The following VAMP7 variants were observed in gnomAD, a reference collection of about 807,000 sequenced individuals.
The protein encoded by VAMP7 is vesicle associated membrane protein 7.
In VAMP7, 14 loss-of-function variants were observed where a neutral mutation model predicts 29.6. That is an observed-to-expected ratio of 0.47 (90% CI 0.31 to 0.74). The LOEUF (loss-of-function observed/expected upper bound fraction) is 0.74. VAMP7 is among the 30% of genes least tolerant of loss of function. The pLI is 0.05. For missense variants in VAMP7, 223 were observed against 262.4 expected (o/e 0.85, Z 1.04); for synonymous variants, 95 against 88.1 (o/e 1.08, Z -0.44).
intron 6 of VAMP7, among the ~76,000 whole-genome samples, chrX:155,931,173 G>A (rs749133220): frequency 5.3e-5 from 8 of 152,252 alleles, no homozygotes; most frequent in African/African-American, 1.4e-4. Flanking sequence ...ATAAACATAC[G>A]TGTGCATGTG....
intron 6 of VAMP7, among the ~76,000 whole-genome samples, chrX:155,924,882 T>C (rs922005135): frequency 3.9e-5 from 6 of 152,234 alleles, no homozygotes; most frequent in African/African-American, 1.4e-4. Flanking sequence ...CAAACCCTGC[T>C]ACTGCTTTAT....
intron 3 of VAMP7, 89 bp from the exon 4 acceptor site, chrX:155,898,023 A>T: frequency 6.7e-7 from 1 of 1,491,464 alleles, no homozygotes; most frequent in South Asian, 1.3e-5. Flanking sequence ...TGCTCAGTAA[A>T]TGTTAGCTGT....
chrX:155,939,451 A>G (rs1200016525), intron 6 of VAMP7, among the ~76,000 whole-genome samples: 1 of 152,200 alleles, frequency 6.6e-6, no homozygotes, highest in Non-Finnish European at 1.5e-5. Context: ...CTGGTGCTCA[A>G]CATCATGTGC....
intron 3 of VAMP7, among the ~76,000 whole-genome samples, chrX:155,896,453 G>A (rs1190415215): frequency 6.6e-6 from 1 of 151,776 alleles, no homozygotes; most frequent in African/African-American, 2.4e-5. Context: ...TAAACCTGTA[G>A]TTTACATTGG....
At chrX:155,905,753 GTTTATCT>G (rs2066138143) in intron 5 of VAMP7, among the ~76,000 whole-genome samples, 1 of 152,104 alleles carries the variant, frequency 6.6e-6, no homozygotes, top group South Asian at 2.1e-4. Context: ...GTTCTGTTCA[GTTTATCT>G]TTATGCCAGT....
chrX:155,893,478 AC>A lies in VAMP7; in HGVS notation c.147-2143del, dbSNP rs934744707. Among the ~76,000 whole-genome samples the A allele has an allele frequency of 5.3e-5, 8 of 152,274 alleles. No individual in the cohort carries two copies. The East Asian group carries it at 1.2e-3, about 22-fold the overall frequency. ...TAGAGGGAAAGGGACTATGATATAAACCAGGTATATTAGCCTGCTTGGGCTG... is the reference window on the plus strand; with the variant it reads ...TAGAGGGAAAGGGACTATGATATAAACAGGTATATTAGCCTGCTTGGGCTG... On this transcript the variant is annotated intron_variant, in intron 2 of 7. Transcript: ENST00000286448.
chrX:155,885,099 A>G lies in VAMP7; in HGVS notation c.-10+3651A>G, dbSNP rs189216754. Among the ~76,000 whole-genome samples the G allele has an allele frequency of 1.5e-4, 23 of 152,322 alleles. No individual in the cohort carries two copies. The East Asian group carries it at 4.4e-3, about 29-fold the overall frequency. On this transcript the variant is annotated intron_variant, in intron 1 of 7. Coordinates refer to ENST00000286448, the MANE Select transcript of VAMP7 (RefSeq NM_005638.6). ...GACTCGAAGACCTTCCCCACAATTT[A>G]CAATAATTCCTCTATTAAAAAACTG...
intron 5 of VAMP7, among the ~76,000 whole-genome samples, chrX:155,918,177 C>G (rs2066340125): frequency 6.6e-6 from 1 of 152,114 alleles, no homozygotes; most frequent in African/African-American, 2.4e-5. Flanking sequence ...TCGAGTGTCC[C>G]AGGTCGACTT....
At chrX:155,919,658 G>T (rs1385848200) in intron 5 of VAMP7, among the ~76,000 whole-genome samples, 155 bp from the exon 6 acceptor site, 1 of 152,172 alleles carries the variant, frequency 6.6e-6, no homozygotes, top group Non-Finnish European at 1.5e-5. Context: ...AGGTGGGCTA[G>T]TCCTTGTTTT....
chrX:155,940,677 T>C (rs147266170), intron 7 of VAMP7, among the ~76,000 whole-genome samples: 172 of 152,304 alleles, frequency 1.1e-3, no homozygotes, highest in African/African-American at 3.9e-3. Flanking sequence ...GAAAAGGTGT[T>C]GTCACCTAAC....
Position 155,900,440 on chromosome X carries a change from G to A in VAMP7, c.343-57G>A, listed in dbSNP as rs969990738. 5 of 1,344,616 alleles carry A rather than the reference G, an allele frequency of 3.7e-6. No individual in the cohort carries two copies. In the African/African-American group the frequency reaches 4.4e-5, roughly 12 times the overall value. The allele number at this position is 1,344,616 out of a possible 1,614,324, so 83.3% of individuals were successfully genotyped here. On this transcript the variant is annotated intron_variant, in intron 4 of 7. Transcript: ENST00000286448. ...GTAAATTGTCATTCCCCTTATTTTT[G>A]TTTTCCTATTGTAAATAATGTCTAG...
At chrX:155,909,170 C>A (rs1044342629) in intron 5 of VAMP7, among the ~76,000 whole-genome samples, 1 of 152,104 alleles carries the variant, frequency 6.6e-6, no homozygotes, top group Non-Finnish European at 1.5e-5. Flanking sequence ...CTTGCTGTAG[C>A]TATTCAGATT....
At chrX:155,929,448 C>A (rs1055146890) in intron 6 of VAMP7, among the ~76,000 whole-genome samples, 2 of 151,972 alleles carry the variant, frequency 1.3e-5, no homozygotes, top group Non-Finnish European at 2.9e-5. Context: ...AAACAGTTGC[C>A]CCCCCTGGGC....
At position 155,924,877 on chromosome X, in the gene VAMP7, C is replaced by T. The variant is rs375030174; in HGVS notation, c.501+4997C>T. ...AAAATTGGAGTCAATCCTCTCAAACCCTGCTACTGCTTTATCAGCTGAGTT... is the reference window on the plus strand; with the variant it reads ...AAAATTGGAGTCAATCCTCTCAAACTCTGCTACTGCTTTATCAGCTGAGTT... On this transcript the variant is annotated intron_variant, in intron 6 of 7. Coordinates refer to ENST00000286448, the MANE Select transcript of VAMP7 (RefSeq NM_005638.6). 1.8e-3 allele frequency among the ~76,000 whole-genome samples: 281 copies of T among 152,274 alleles called. 1 individual carries two copies. The highest frequency in any genetic ancestry group is 6.6e-3 in the African/African-American group (275 of 41,542).
At chrX:155,929,666 A>T (rs2066519541) in intron 6 of VAMP7, among the ~76,000 whole-genome samples, 1 of 152,136 alleles carries the variant, frequency 6.6e-6, no homozygotes, top group African/African-American at 2.4e-5. Flanking sequence ...TTATTCCCAG[A>T]TATTCTTGTC....
At chrX:155,882,579 A>C (rs1046843859) in intron 1 of VAMP7, among the ~76,000 whole-genome samples, 1 of 152,144 alleles carries the variant, frequency 6.6e-6, no homozygotes, top group Non-Finnish European at 1.5e-5. Flanking sequence ...ATTGCATCAG[A>C]ATTCATGGTT....
At position 155,903,815 on chromosome X, in the gene VAMP7, A is replaced by G. The variant is rs764967477; in HGVS notation, c.433+3228A>G. Among the ~76,000 whole-genome samples the G allele has an allele frequency of 5.9e-5, 9 of 152,272 alleles. No individual in the cohort carries two copies. In the South Asian group the frequency reaches 1.9e-3, roughly 32 times the overall value. ...CAGTGTGGCGATTCCTCAGGGATCTAGAACTAGAAATACCATTTGACCCAG... is the reference window on the plus strand; with the variant it reads ...CAGTGTGGCGATTCCTCAGGGATCTGGAACTAGAAATACCATTTGACCCAG... On this transcript the variant is annotated intron_variant, in intron 5 of 7. Coordinates refer to ENST00000286448, the MANE Select transcript of VAMP7 (RefSeq NM_005638.6).
chrX:155,941,257 A>G (rs878897139), intron 7 of VAMP7, among the ~76,000 whole-genome samples: 1 of 152,114 alleles, frequency 6.6e-6, no homozygotes, highest in African/African-American at 2.4e-5. Flanking sequence ...GACTTTTATA[A>G]TATAATTTAA....
chrX:155,940,503 C>T (rs1003200761), intron 7 of VAMP7, among the ~76,000 whole-genome samples: 1 of 152,190 alleles, frequency 6.6e-6, no homozygotes, highest in Non-Finnish European at 1.5e-5. Context: ...GCTCAGGTTT[C>T]TCTTTCTAAT....
Sources: allele counts gnomAD v4.1 joint callset (sites outside exome capture counted in the v4.1 genomes callset), GRCh38; gene constraint gnomAD v4.1.1; transcripts MANE v1.5; gene names NCBI Gene and HGNC (gene_info 2026-07-23, HGNC 2026-07-21).